The following SORCS3 variants were observed in gnomAD, a reference collection of about 807,000 sequenced individuals.
SORCS3 encodes VPS10 domain-containing receptor SorCS3.
Under a neutral mutation model 146.3 loss-of-function variants are expected in SORCS3, and 57 were observed. That is an observed-to-expected ratio of 0.39 (90% CI 0.31 to 0.49). The LOEUF (loss-of-function observed/expected upper bound fraction) is 0.49. Among genes scored for constraint, SORCS3 ranks in the 20% least tolerant of loss-of-function variants. The pLI is 0.92. For synonymous variants in SORCS3, 653 were observed against 618.5 expected (o/e 1.06, Z -0.83); for missense variants, 1,341 against 1,575.5 (o/e 0.85, Z 2.52).
At chr10:104,656,645 C>T (rs2015633934) in intron 1 of SORCS3, among the ~76,000 whole-genome samples, 1 of 150,706 alleles carries the variant, frequency 6.6e-6, no homozygotes, top group Non-Finnish European at 1.5e-5. Flanking sequence ...ACCTGGATGA[C>T]AGAGTGAGAC....
intron 1 of SORCS3, among the ~76,000 whole-genome samples, chr10:104,725,732 G>C (rs760199023): frequency 1.3e-5 from 2 of 152,212 alleles, no homozygotes; most frequent in Non-Finnish European, 2.9e-5. Context: ...AGACTGCTGT[G>C]CTAGCAATGA....
chr10:104,903,474 G>A (rs531825641), intron 2 of SORCS3, among the ~76,000 whole-genome samples: 15 of 152,244 alleles, frequency 9.9e-5, no homozygotes, highest in Admixed American at 5.9e-4. Flanking sequence ...GAAGAGCACG[G>A]TAGATGAGAG....
At position 104,763,893 on chromosome 10, in the gene SORCS3, C is replaced by T; in HGVS notation, c.628-78899C>T. 1.3e-5 allele frequency among the ~76,000 whole-genome samples: 2 copies of T among 152,034 alleles called. 1 individual carries two copies. The highest frequency in any genetic ancestry group is 2.9e-5 in the Non-Finnish European group (2 of 68,038). On this transcript the variant is annotated intron_variant, in intron 1 of 26. Transcript: ENST00000369701. ...TGGTAGTTCCTCCTGCATTCATTCT[C>T]TCTCCTGCCACCTCGTGAGGAAGGT...
chr10:104,893,383 G>A (rs1045897749), intron 2 of SORCS3, among the ~76,000 whole-genome samples: 2 of 152,198 alleles, frequency 1.3e-5, no homozygotes, highest in African/African-American at 4.8e-5. Flanking sequence ...CTCATTCTGA[G>A]TATAGAATGA....
chr10:104,848,332 T>A (rs2018231352), intron 2 of SORCS3, among the ~76,000 whole-genome samples: 1 of 152,312 alleles, frequency 6.6e-6, no homozygotes, highest in Admixed American at 6.5e-5. Flanking sequence ...GCTGCTTTTT[T>A]AAAATAGAAA....
At chr10:105,215,836 C>T (rs1309910095) in intron 18 of SORCS3, among the ~76,000 whole-genome samples, 6 of 152,250 alleles carry the variant, frequency 3.9e-5, no homozygotes, top group African/African-American at 7.2e-5. Flanking sequence ...AGGATTGGCT[C>T]ATAATTCCAA....
At chr10:105,115,025 A>G in intron 7 of SORCS3, among the ~76,000 whole-genome samples, 1 of 152,178 alleles carries the variant, frequency 6.6e-6, no homozygotes, top group East Asian at 1.9e-4. Context: ...GCCAATTAAC[A>G]GATACTTGTT....
chr10:105,061,451 C>G (rs12718336), intron 5 of SORCS3, among the ~76,000 whole-genome samples: 35,197 of 151,468 alleles, frequency 0.23, 5,127 homozygotes, highest in African/African-American at 0.4. Flanking sequence ...CCTGCCACCA[C>G]ACCTGGCTAA....
chr10:104,652,135 T>A, intron 1 of SORCS3, among the ~76,000 whole-genome samples: 1 of 151,944 alleles, frequency 6.6e-6, no homozygotes, highest in Non-Finnish European at 1.5e-5. Flanking sequence ...AGCCTGCAAG[T>A]ATGATTTAAA....
chr10:104,902,145 C>T (rs1406102748), intron 2 of SORCS3, among the ~76,000 whole-genome samples: 4 of 152,128 alleles, frequency 2.6e-5, no homozygotes, highest in Non-Finnish European at 5.9e-5. Flanking sequence ...AGACTAGAAA[C>T]CCAATCAACC....
At chr10:105,039,995 G>A (rs2055329434) in intron 4 of SORCS3, among the ~76,000 whole-genome samples, 1 of 152,132 alleles carries the variant, frequency 6.6e-6, no homozygotes, top group African/African-American at 2.4e-5. Flanking sequence ...TTGGTACTTT[G>A]CTATGTTTGG....
intron 7 of SORCS3, among the ~76,000 whole-genome samples, chr10:105,125,623 A>C (rs571648716): frequency 2.6e-5 from 4 of 151,616 alleles, no homozygotes; most frequent in Non-Finnish European, 4.4e-5. Flanking sequence ...GAGTAAGTAC[A>C]TAGAGCTTTA....
chr10:104,673,178 T>C (rs1164567003), intron 1 of SORCS3, among the ~76,000 whole-genome samples: 1 of 152,240 alleles, frequency 6.6e-6, no homozygotes. Flanking sequence ...AGACAGCATA[T>C]AATTGGATCA....
rs2056631109 is a variant in SORCS3, at chr10:105,211,152, G to A, written c.2277G>A (p.Glu759=). The A allele has an allele frequency of 1.2e-6, 2 of 1,613,750 alleles. No homozygotes were observed. The highest frequency in any genetic ancestry group is 1.3e-5 in the African/African-American group (1 of 75,044). The part of the protein sequence containing the change: ...NWDFECDYGY[E]RHGESQCVPA... ...TTCCTGACAGTGACTATGGGTATGA[G>A]AGACATGGGGAGAGCCAGTGTGTCC... The change falls in exon 17 of 27, where the codon GAG becomes GAA. Residue 759 remains glutamate (E), a synonymous_variant. Transcript: ENST00000369701.
At chr10:104,924,127 T>C (rs115253185) in intron 3 of SORCS3, among the ~76,000 whole-genome samples, 5 of 152,202 alleles carry the variant, frequency 3.3e-5, no homozygotes, top group Non-Finnish European at 7.3e-5. Context: ...TTAACTCGTT[T>C]CCATTCATAT....
intron 13 of SORCS3, among the ~76,000 whole-genome samples, chr10:105,172,697 T>C (rs1445158373): frequency 6.6e-6 from 1 of 152,234 alleles, no homozygotes; most frequent in Non-Finnish European, 1.5e-5. Context: ...CATTTGCTTT[T>C]TACCTTTAAT....
intron 1 of SORCS3, among the ~76,000 whole-genome samples, chr10:104,828,926 T>C (rs1409490535): frequency 2.0e-5 from 3 of 152,130 alleles, no homozygotes; most frequent in Non-Finnish European, 4.4e-5. Flanking sequence ...GACTAACTTA[T>C]CTAAGGAAAA....
At chr10:104,864,243 T>TA (rs565290244) in intron 2 of SORCS3, among the ~76,000 whole-genome samples, 1 of 152,174 alleles carries the variant, frequency 6.6e-6, no homozygotes, top group Non-Finnish European at 1.5e-5. Context: ...ATAAAAGCCT[T>TA]AAAAAAATTT....
intron 1 of SORCS3, among the ~76,000 whole-genome samples, chr10:104,729,685 A>G (rs922984266): frequency 7.2e-5 from 11 of 152,240 alleles, no homozygotes; most frequent in Admixed American, 5.9e-4. Context: ...AGAAGGTATT[A>G]GGTGTCAAGT....
Sources: gnomAD v4.1 joint callset for allele counts (sites outside exome capture counted in the v4.1 genomes callset) on GRCh38, gnomAD v4.1.1 for gene constraint, MANE v1.5 for transcripts, NCBI Gene and HGNC (gene_info 2026-07-23, HGNC 2026-07-21) for gene names.